PACRG: variants seen among roughly 807,000 people sequenced by gnomAD.
PACRG encodes parkin coregulated, also known as parkin coregulated gene protein.
In PACRG, 29 loss-of-function variants were observed where a neutral mutation model predicts 29.7. The ratio of observed to expected loss-of-function variants is 0.98; its 90% CI spans 0.73 to 1.33. The LOEUF (loss-of-function observed/expected upper bound fraction) is 1.33, where lower values mean the gene tolerates loss of function less well. Among genes scored for constraint, PACRG ranks in the 40% most tolerant of loss-of-function variants. The pLI is 0.00. For synonymous variants in PACRG, 116 were observed against 118.7 expected (o/e 0.98, Z 0.15); for missense variants, 279 against 316.2 (o/e 0.88, Z 0.89).
At chr6:163,051,263 C>T (rs929728048) in intron 2 of PACRG, 1 of 151,884 alleles carries the variant, frequency 6.6e-6, no homozygotes, top group Non-Finnish European at 1.5e-5. Flanking sequence ...TTGTTACCTC[C>T]ACAGCTCGTG....
rs150243212 is a variant in PACRG at position 163,127,167 on chromosome 6, G to A, written c.613+37759G>A. ...ATTTCTAACATTTAACAAAAGTGGC[G>A]TCATTTCCAGAGCTCTGCCCAGCTC... is the stretch of plus-strand genomic sequence containing the variant. On this transcript the variant is annotated intron_variant, in intron 4 of 4. Coordinates refer to ENST00000366888, the MANE Select transcript of PACRG (RefSeq NM_001080379.2). Among the ~76,000 whole-genome samples the A allele has an allele frequency of 4.0e-3, 613 of 152,290 alleles. 3 individuals are homozygous for A. The highest frequency in any genetic ancestry group is 7.3e-3 in the Non-Finnish European group (500 of 68,034).
intron 2 of PACRG, among the ~76,000 whole-genome samples, chr6:163,034,023 A>G (rs375199858): frequency 4.6e-5 from 7 of 152,032 alleles, no homozygotes; most frequent in African/African-American, 1.5e-4. Flanking sequence ...ATCAAACTTT[A>G]CAGAGGAGAT....
chr6:163,256,587 G>T (rs973082150), intron 4 of PACRG, among the ~76,000 whole-genome samples: 2 of 152,210 alleles, frequency 1.3e-5, no homozygotes, highest in Non-Finnish European at 2.9e-5. Context: ...ATGGATCCGT[G>T]AGGAAAACGT....
intron 4 of PACRG, among the ~76,000 whole-genome samples, chr6:163,094,282 C>T (rs771155439): frequency 2.6e-5 from 4 of 152,168 alleles, no homozygotes; most frequent in Non-Finnish European, 4.4e-5. Flanking sequence ...AACAATTCTG[C>T]GTTCATGATT....
intron 2 of PACRG, among the ~76,000 whole-genome samples, chr6:162,881,171 G>A (rs1793807855): frequency 6.6e-6 from 1 of 152,130 alleles, no homozygotes. Context: ...TTGCCTATTG[G>A]AAGTGTTTAT....
At chr6:163,173,004 C>G (rs1779159536) in intron 4 of PACRG, among the ~76,000 whole-genome samples, 1 of 152,020 alleles carries the variant, frequency 6.6e-6, no homozygotes, top group South Asian at 2.1e-4. Flanking sequence ...TGGAGAGTAT[C>G]TAAGAACATG....
At position 163,273,191 on chromosome 6, in the gene PACRG, C is replaced by A. The variant is rs546336850; in HGVS notation, c.614-41636C>A. On this transcript the variant is annotated intron_variant, in intron 4 of 4. Coordinates refer to ENST00000366888, the MANE Select transcript of PACRG (RefSeq NM_001080379.2). ...TACAGGCGTGAGCCACCGCGCCCGG[C>A]CTGCATCATTCTTTTGATATGTGGC... Among the ~76,000 whole-genome samples, 57 of 146,920 alleles carry A rather than the reference C, an allele frequency of 3.9e-4. 1 individual carries two copies. The highest frequency in any genetic ancestry group is 6.0e-4 in the Non-Finnish European group (41 of 68,010).
At chr6:162,952,658 C>T (rs1185838403) in intron 2 of PACRG, among the ~76,000 whole-genome samples, 4 of 152,228 alleles carry the variant, frequency 2.6e-5, no homozygotes, top group Non-Finnish European at 4.4e-5. Flanking sequence ...AACAACCACA[C>T]TAAATTGTAT....
At chr6:163,284,088 G>C (rs555230740) in intron 4 of PACRG, among the ~76,000 whole-genome samples, 120 of 152,168 alleles carry the variant, frequency 7.9e-4, no homozygotes, top group Non-Finnish European at 2.8e-4. Context: ...ACTCCAGCCT[G>C]GGCAACAAGA....
At chr6:163,271,243 A>G (rs1783816360) in intron 4 of PACRG, among the ~76,000 whole-genome samples, 1 of 152,076 alleles carries the variant, frequency 6.6e-6, no homozygotes, top group Admixed American at 6.5e-5. Flanking sequence ...CTGGCAGCTG[A>G]TTAGATGGTG....
At chr6:163,142,063 AAAG>A (rs1429215176) in intron 4 of PACRG, among the ~76,000 whole-genome samples, 1 of 152,154 alleles carries the variant, frequency 6.6e-6, no homozygotes, top group Non-Finnish European at 1.5e-5. Flanking sequence ...AGCAACTAAA[AAAG>A]GTACAACTAA....
chr6:163,080,967 A>C (rs1429504131), intron 3 of PACRG, among the ~76,000 whole-genome samples: 1 of 152,236 alleles, frequency 6.6e-6, no homozygotes, highest in South Asian at 2.1e-4. Context: ...CCTCATGTCC[A>C]TAATAGCTGA....
intron 1 of PACRG, among the ~76,000 whole-genome samples, chr6:162,740,277 T>G (rs1780475552): frequency 6.6e-6 from 1 of 152,158 alleles, no homozygotes; most frequent in Non-Finnish European, 1.5e-5. Context: ...TTAACTAGAA[T>G]TTTATTCAAG....
intron 1 of PACRG, among the ~76,000 whole-genome samples, chr6:162,806,533 T>A (rs960928691): frequency 6.6e-6 from 1 of 152,072 alleles, no homozygotes; most frequent in African/African-American, 2.4e-5. Context: ...TCCTTGTACA[T>A]CTCCATCAGA....
At chr6:162,994,141 GT>G (rs1164243740) in intron 2 of PACRG, among the ~76,000 whole-genome samples, 3 of 130,670 alleles carry the variant, frequency 2.3e-5, no homozygotes, top group Non-Finnish European at 4.7e-5. Flanking sequence ...CCCTTTGAGG[GT>G]AACCCGACCT....
intron 2 of PACRG, among the ~76,000 whole-genome samples, chr6:163,058,180 T>A (rs1810755365): frequency 6.6e-6 from 1 of 152,180 alleles, no homozygotes; most frequent in Admixed American, 6.5e-5. Flanking sequence ...AAAAAGAATT[T>A]TCTTGACTCT....
intron 2 of PACRG, among the ~76,000 whole-genome samples, chr6:162,978,216 G>T (rs1387190546): frequency 2.0e-5 from 3 of 151,962 alleles, no homozygotes; most frequent in Non-Finnish European, 4.4e-5. Context: ...TCATTACTTA[G>T]AATATGGCTG....
At chr6:163,179,182 C>G in intron 4 of PACRG, 1 of 455,992 alleles carries the variant, frequency 2.2e-6, no homozygotes, top group Non-Finnish European at 4.4e-6. Context: ...ACACTGATGT[C>G]CGCTGCTCCT....
chr6:163,024,604 G>A (rs1426652113), intron 2 of PACRG, among the ~76,000 whole-genome samples: 1 of 152,072 alleles, frequency 6.6e-6, no homozygotes, highest in African/African-American at 2.4e-5. Flanking sequence ...TTCTGATTCT[G>A]TGAAGAATGA....
Sources: allele counts gnomAD v4.1 joint callset (sites outside exome capture counted in the v4.1 genomes callset), GRCh38; gene constraint gnomAD v4.1.1; transcripts MANE v1.5; gene names NCBI Gene and HGNC (gene_info 2026-07-23, HGNC 2026-07-21).